Variants in DLGAP1 observed in about 807,000 individuals in gnomAD.
DLGAP1 encodes the protein disks large-associated protein 1.
A neutral mutation model predicts 90.8 loss-of-function variants in DLGAP1; 11 were observed. The ratio of observed to expected loss-of-function variants is 0.12; its 90% CI spans 0.08 to 0.20. The LOEUF (loss-of-function observed/expected upper bound fraction) is 0.20, where lower values mean the gene tolerates loss of function less well. Among genes scored for constraint, DLGAP1 ranks in the 10% least tolerant of loss-of-function variants. DLGAP1 has a pLI of 1.00. For synonymous variants in DLGAP1, 558 were observed against 540.7 expected, an observed-to-expected ratio of 1.03 and a Z score of -0.44; for missense variants, 1,050 against 1,333.8, an observed-to-expected ratio of 0.79 and a Z score of 3.31.
At chr18:3,527,410 CTTT>C (rs3075071) in intron 10 of DLGAP1, among the ~76,000 whole-genome samples, 8 of 100,682 alleles carry the variant, frequency 7.9e-5, no homozygotes, top group African/African-American at 1.5e-4. Flanking sequence ...ATTTTCCAAA[CTTT>C]TTTTTTTTTT....
intron 5 of DLGAP1, among the ~76,000 whole-genome samples, chr18:3,803,165 C>T (rs1333143859): frequency 6.6e-6 from 1 of 152,074 alleles, no homozygotes; most frequent in East Asian, 1.9e-4. Flanking sequence ...AAGAGATGTC[C>T]ACCATTGGCT....
chr18:3,596,925 T>C (rs769922881), intron 7 of DLGAP1: 3 of 520,048 alleles, frequency 5.8e-6, no homozygotes, highest in Non-Finnish European at 1.2e-5. Flanking sequence ...TAATCTACCA[T>C]TCTCTGACAC....
chr18:4,108,387 T>G (rs574128021), intron 2 of DLGAP1, among the ~76,000 whole-genome samples: 1 of 152,318 alleles, frequency 6.6e-6, no homozygotes, highest in South Asian at 2.1e-4. Context: ...GTCTCCTTTC[T>G]GAAGGCTCCT....
intron 4 of DLGAP1, chr18:3,874,293 C>G: frequency 6.5e-7 from 1 of 1,547,862 alleles, no homozygotes; most frequent in Non-Finnish European, 8.7e-7. Flanking sequence ...CTCTCTCTCT[C>G]GCTCCCTCTG....
chr18:3,626,680 C>T (rs551391039), intron 7 of DLGAP1, among the ~76,000 whole-genome samples: 5 of 150,932 alleles, frequency 3.3e-5, no homozygotes, highest in Admixed American at 6.6e-5. Context: ...TGGAGGTGGG[C>T]GGATCACTTG....
chr18:4,220,700 T>A (rs947936445), intron 1 of DLGAP1, among the ~76,000 whole-genome samples: 8 of 152,166 alleles, frequency 5.3e-5, no homozygotes, highest in African/African-American at 1.9e-4. Context: ...ATCATATATA[T>A]GGAAATTCCA....
chr18:3,540,867 T>C (rs1007165855), intron 9 of DLGAP1, among the ~76,000 whole-genome samples: 5 of 152,058 alleles, frequency 3.3e-5, no homozygotes, highest in African/African-American at 1.2e-4. Context: ...AAATAGAAAA[T>C]AATGAGAGTG....
intron 1 of DLGAP1, among the ~76,000 whole-genome samples, chr18:4,173,028 T>A (rs1327911574): frequency 6.6e-6 from 1 of 152,214 alleles, no homozygotes; most frequent in Non-Finnish European, 1.5e-5. Context: ...TAGAAGGTTT[T>A]CCACAATTTT....
chr18:4,026,015 C>A (rs1036835985), intron 2 of DLGAP1, among the ~76,000 whole-genome samples: 1 of 152,216 alleles, frequency 6.6e-6, no homozygotes, highest in African/African-American at 2.4e-5. Context: ...AGTGTCAAGA[C>A]AGTCCCCACT....
At chr18:4,188,051 G>A (rs2077330226) in intron 1 of DLGAP1, among the ~76,000 whole-genome samples, 1 of 151,924 alleles carries the variant, frequency 6.6e-6, no homozygotes, top group Admixed American at 6.6e-5. Context: ...TAATTTTATT[G>A]TTTTAAGAAA....
chr18:4,273,441 T>A lies in DLGAP1; in HGVS notation c.-266-122154A>T, dbSNP rs571074501. ...GTTCCATGGCACAGCATTACAACCA[T>A]TCTGTGAATGTTGTTTTTACAGAAT... On this transcript the variant is annotated intron_variant, in intron 1 of 12. Coordinates refer to ENST00000315677, the MANE Select transcript of DLGAP1 (RefSeq NM_004746.4). Among the ~76,000 whole-genome samples, 8 of 152,302 alleles carry A rather than the reference T, an allele frequency of 5.3e-5. 1 individual carries two copies. The highest frequency in any genetic ancestry group is 2.0e-4 in the Admixed American group (3 of 15,298).
chr18:3,513,348 C>G (rs913274967), intron 10 of DLGAP1, among the ~76,000 whole-genome samples: 4 of 152,214 alleles, frequency 2.6e-5, no homozygotes, highest in Non-Finnish European at 5.9e-5. Context: ...AGGACAGTGG[C>G]TATTCATAGG....
chr18:4,392,569 G>C (rs1450645875), intron 1 of DLGAP1, among the ~76,000 whole-genome samples: 1 of 152,150 alleles, frequency 6.6e-6, no homozygotes, highest in Non-Finnish European at 1.5e-5. Flanking sequence ...AGAGAGTGCT[G>C]CTAGGTCTCT....
chr18:4,370,532 T>C (rs1201468586), intron 1 of DLGAP1, among the ~76,000 whole-genome samples: 3 of 152,198 alleles, frequency 2.0e-5, no homozygotes, highest in Admixed American at 6.5e-5. Context: ...TTTATCTACA[T>C]TATCTACCTA....
intron 1 of DLGAP1, among the ~76,000 whole-genome samples, chr18:4,410,726 C>T (rs2082759465): frequency 6.6e-6 from 1 of 151,928 alleles, no homozygotes; most frequent in South Asian, 2.1e-4. Context: ...GAATCAAGAA[C>T]ATTCATAGCA....
intron 3 of DLGAP1, among the ~76,000 whole-genome samples, chr18:3,905,354 G>A (rs1362516211): frequency 7.8e-5 from 7 of 89,454 alleles, no homozygotes; most frequent in South Asian, 4.8e-4. Context: ...GCAACAGAGT[G>A]AGACTCCATC....
In DLGAP1 at chr18:3,984,813, G is replaced by A. The variant is rs1485675198; in HGVS notation, c.-73+20303C>T. ...CATCTTTCCCCTGTTAATCCATCTC[G>A]GTGTTTGGGTCTTTATTTTGCCCAC... is the stretch of plus-strand genomic sequence containing the variant. On this transcript the variant is annotated intron_variant, in intron 3 of 12. Coordinates refer to ENST00000315677, the MANE Select transcript of DLGAP1 (RefSeq NM_004746.4). 6.6e-5 allele frequency among the ~76,000 whole-genome samples: 10 copies of A among 151,962 alleles called. 1 individual carries two copies. The South Asian group carries it at 1.0e-3, about 16-fold the overall frequency.
At position 4,026,584 on chromosome 18, in the gene DLGAP1, C is replaced by T. The variant is rs116148257; in HGVS notation, c.-158-21383G>A. On this transcript the variant is annotated intron_variant, in intron 2 of 12. Coordinates refer to ENST00000315677, the MANE Select transcript of DLGAP1 (RefSeq NM_004746.4). ...CTATAGCACTATCTATGAGATGGAG[C>T]TCTGAGTATAAGCAATCATTTCTGG... Among the ~76,000 whole-genome samples, 143 of 152,212 alleles carry T rather than the reference C, an allele frequency of 9.4e-4. 1 individual carries two copies. Among genetic ancestry groups the T allele is most frequent in the African/African-American group, 2.7e-3 (114 of 41,526 alleles).
At chr18:3,782,441 T>G (rs532965495) in intron 5 of DLGAP1, among the ~76,000 whole-genome samples, 55 of 152,164 alleles carry the variant, frequency 3.6e-4, no homozygotes, top group Non-Finnish European at 6.5e-4. Context: ...CCGGCCTTGG[T>G]CCAAGATTTA....
Sources: gnomAD v4.1 joint callset for allele counts (sites outside exome capture counted in the v4.1 genomes callset) on GRCh38, gnomAD v4.1.1 for gene constraint, MANE v1.5 for transcripts, NCBI Gene and HGNC (gene_info 2026-07-23, HGNC 2026-07-21) for gene names.